The following XKR6 variants were observed in gnomAD, a reference collection of about 807,000 sequenced individuals.
XKR6 encodes XK-related protein 6.
A neutral mutation model predicts 56.7 loss-of-function variants in XKR6; 22 were observed. That is an observed-to-expected ratio of 0.39 (90% confidence interval 0.28 to 0.55). XKR6 has a LOEUF of 0.55. XKR6 is among the 20% of genes least tolerant of loss of function. XKR6 has a pLI of 0.66. For synonymous variants in XKR6, 524 were observed against 387.8 expected (o/e 1.35, Z -4.13); for missense variants, 852 against 889.0 (o/e 0.96, Z 0.53).
intron 2 of XKR6, among the ~76,000 whole-genome samples, chr8:10,922,329 G>C (rs1204536896): frequency 2.6e-5 from 4 of 152,220 alleles, no homozygotes; most frequent in Non-Finnish European, 5.9e-5. Flanking sequence ...GCCCTGGGCT[G>C]TGGGGCAGTA....
intron 1 of XKR6, among the ~76,000 whole-genome samples, chr8:11,043,237 A>G (rs1172560706): frequency 6.6e-6 from 1 of 151,972 alleles, no homozygotes; most frequent in Non-Finnish European, 1.5e-5. Context: ...AAAAAAGATG[A>G]ACACTCTTAG....
At chr8:11,182,949 T>G (rs913598893) in intron 1 of XKR6, among the ~76,000 whole-genome samples, 1 of 152,240 alleles carries the variant, frequency 6.6e-6, no homozygotes, top group South Asian at 2.1e-4. Context: ...GGCCCTTTTG[T>G]AAGTGGAATC....
intron 1 of XKR6, among the ~76,000 whole-genome samples, chr8:11,014,439 C>T (rs1798571600): frequency 6.6e-6 from 1 of 152,198 alleles, no homozygotes; most frequent in Non-Finnish European, 1.5e-5. Flanking sequence ...CCCCTGCGGG[C>T]TCCCCAAGGA....
chr8:10,912,993 C>CAT (rs145679122), intron 2 of XKR6, among the ~76,000 whole-genome samples: 7,374 of 143,402 alleles, frequency 0.051, 200 homozygotes, highest in Non-Finnish European at 0.06. Flanking sequence ...TATACACATA[C>CAT]ATATATATAT....
chr8:10,964,152 G>C (rs1253520147), intron 1 of XKR6, among the ~76,000 whole-genome samples: 1 of 152,132 alleles, frequency 6.6e-6, no homozygotes, highest in Non-Finnish European at 1.5e-5. Flanking sequence ...TTACTCCCCT[G>C]ACCTACCTCC....
At chr8:11,020,909 A>C (rs886957015) in intron 1 of XKR6, among the ~76,000 whole-genome samples, 1 of 152,212 alleles carries the variant, frequency 6.6e-6, no homozygotes, top group Non-Finnish European at 1.5e-5. Context: ...TCAGAGAGTC[A>C]GTATATGTGA....
chr8:10,937,882 G>A (rs1801260962), intron 1 of XKR6, among the ~76,000 whole-genome samples: 1 of 152,040 alleles, frequency 6.6e-6, no homozygotes, highest in Non-Finnish European at 1.5e-5. Context: ...CCCAGAGGTG[G>A]AGCCTACAGA....
At chr8:11,016,592 G>C (rs891009693) in intron 1 of XKR6, among the ~76,000 whole-genome samples, 1 of 152,162 alleles carries the variant, frequency 6.6e-6, no homozygotes, top group East Asian at 1.9e-4. Context: ...GCCGCCCTCC[G>C]GCTGGCTGCA....
At chr8:11,184,396 C>T (rs1803159816) in intron 1 of XKR6, among the ~76,000 whole-genome samples, 1 of 72,762 alleles carries the variant, frequency 1.4e-5, no homozygotes, top group South Asian at 3.1e-4. Flanking sequence ...CATACACACA[C>T]ACACACACAC....
intron 1 of XKR6, among the ~76,000 whole-genome samples, chr8:11,067,306 G>A (rs1377859402): frequency 1.3e-5 from 2 of 152,168 alleles, no homozygotes; most frequent in Admixed American, 6.5e-5. Flanking sequence ...CATCCTCTGT[G>A]GATTCCCTTG....
chr8:11,069,542 T>C (rs1800065354), intron 1 of XKR6, among the ~76,000 whole-genome samples: 1 of 152,204 alleles, frequency 6.6e-6, no homozygotes, highest in Non-Finnish European at 1.5e-5. Context: ...TGATGGGTCA[T>C]GTAAGAGGCA....
At chr8:11,056,647 G>T (rs1479683859) in intron 1 of XKR6, among the ~76,000 whole-genome samples, 1 of 152,236 alleles carries the variant, frequency 6.6e-6, no homozygotes, top group African/African-American at 2.4e-5. Context: ...AAGCTGAGTG[G>T]TCTACAGAGG....
At chr8:10,915,461 T>C (rs551312284) in intron 2 of XKR6, among the ~76,000 whole-genome samples, 36 of 152,306 alleles carry the variant, frequency 2.4e-4, no homozygotes, top group African/African-American at 8.2e-4. Context: ...CTACTTCATC[T>C]GCATTCACTG....
chr8:10,951,238 C>G (rs1473606935), intron 1 of XKR6, among the ~76,000 whole-genome samples: 2 of 141,658 alleles, frequency 1.4e-5, no homozygotes, highest in African/African-American at 5.5e-5. Flanking sequence ...GAAACTCATG[C>G]TGGGGGGACA....
chr8:11,166,442 T>C (rs1802076284), intron 1 of XKR6, among the ~76,000 whole-genome samples: 1 of 152,176 alleles, frequency 6.6e-6, no homozygotes, highest in Non-Finnish European at 1.5e-5. Flanking sequence ...AAAGGGCCGT[T>C]GCTTATAGAC....
intron 1 of XKR6, among the ~76,000 whole-genome samples, chr8:11,094,852 G>A (rs1798216201): frequency 6.6e-6 from 1 of 152,152 alleles, no homozygotes; most frequent in African/African-American, 2.4e-5. Flanking sequence ...CAGACTGACT[G>A]CTGCTTCTTT....
intron 1 of XKR6, among the ~76,000 whole-genome samples, chr8:11,169,106 C>T (rs1802234592): frequency 6.6e-6 from 1 of 152,170 alleles, no homozygotes; most frequent in African/African-American, 2.4e-5. Context: ...AGGCTTTCTC[C>T]AAGACCAGTC....
chr8:11,013,468 C>T (rs533604096), intron 1 of XKR6, among the ~76,000 whole-genome samples: 9 of 152,318 alleles, frequency 5.9e-5, no homozygotes, highest in African/African-American at 2.2e-4. Context: ...CCAGCTGCCT[C>T]TAGGGACTCT....
intron 2 of XKR6, among the ~76,000 whole-genome samples, chr8:10,901,806 T>A (rs764499064): frequency 6.0e-4 from 92 of 152,356 alleles, no homozygotes; most frequent in Middle Eastern, 3.4e-3. Flanking sequence ...GTTCTAAGCA[T>A]GCTTTGAGCA....
Sources: allele counts gnomAD v4.1 joint callset (sites outside exome capture counted in the v4.1 genomes callset), GRCh38; gene constraint gnomAD v4.1.1; transcripts MANE v1.5; gene names NCBI Gene and HGNC (gene_info 2026-07-23, HGNC 2026-07-21).